MGAT5: variants seen among roughly 807,000 people sequenced by gnomAD.
MGAT5 encodes alpha-1,6-mannosylglycoprotein 6-beta-N-acetylglucosaminyltransferase.
In MGAT5, 30 loss-of-function variants were observed where a neutral mutation model predicts 94.3. That is an observed-to-expected ratio of 0.32 (90% CI 0.24 to 0.43). The LOEUF is 0.43. Among genes scored for constraint, MGAT5 ranks in the 20% least tolerant of loss-of-function variants. MGAT5 has a pLI of 1.00. For missense variants in MGAT5, 691 were observed against 905.5 expected (o/e 0.76, Z 3.04); for synonymous variants, 310 against 322.9 (o/e 0.96, Z 0.43).
At chr2:134,137,859 A>G (rs7597227) in intron 1 of MGAT5, among the ~76,000 whole-genome samples, 33,700 of 151,508 alleles carry the variant, frequency 0.22, 4,843 homozygotes, top group African/African-American at 0.4. Flanking sequence ...AAGTTTATCA[A>G]TGAAGGGATA....
chr2:134,265,436 G>A (rs2105596996), intron 1 of MGAT5, among the ~76,000 whole-genome samples: 1 of 152,256 alleles, frequency 6.6e-6, no homozygotes, highest in East Asian at 1.9e-4. Flanking sequence ...CAATACCATG[G>A]CTTCCTGGAA....
In MGAT5 at chr2:134,288,079, A is replaced by T. The variant is rs146051484; in HGVS notation, c.406+17529A>T. Among the ~76,000 whole-genome samples the T allele has an allele frequency of 3.6e-4, 55 of 152,172 alleles. 1 individual carries two copies. In the East Asian group the frequency reaches 9.4e-3, roughly 26 times the overall value. Reference sequence around the variant, plus strand: ...ATTCTCAAGTGCTTACTGAATTTTGAATTCTCTTGCTGGTGTCTGGAAGCA... The same window carrying T: ...ATTCTCAAGTGCTTACTGAATTTTGTATTCTCTTGCTGGTGTCTGGAAGCA... On this transcript the variant is annotated intron_variant, in intron 2 of 15. Coordinates refer to ENST00000281923, the MANE Select transcript of MGAT5 (RefSeq NM_002410.5).
At position 134,193,125 on chromosome 2, in the gene MGAT5, A is replaced by AT. The variant is rs1161424806; in HGVS notation, c.-142-61122dup. Among the ~76,000 whole-genome samples, 337 of 131,280 alleles carry AT rather than the reference A, an allele frequency of 2.6e-3. 1 individual carries two copies. The highest frequency in any genetic ancestry group is 4.6e-3 in the South Asian group (19 of 4,172). The allele number at this position is 131,280 out of a possible 152,430, so 86.1% of individuals were successfully genotyped here. On this transcript the variant is annotated intron_variant, in intron 1 of 16. Coordinates refer to the MGAT5 transcript ENST00000409645. ...TACTTTATTTTTATTTTTATTTTTTATTTTTTTTTTTTTTTGAGACAAGGT... is the reference window on the plus strand; with the variant it reads ...TACTTTATTTTTATTTTTATTTTTTATTTTTTTTTTTTTTTTGAGACAAGGT...
chr2:134,370,019 G>A (rs1054355041), intron 10 of MGAT5, among the ~76,000 whole-genome samples: 1 of 152,164 alleles, frequency 6.6e-6, no homozygotes, highest in South Asian at 2.1e-4. Flanking sequence ...GGTGGTTAAA[G>A]TCTCAGACTA....
chr2:134,265,328 A>G (rs956181545), intron 1 of MGAT5, among the ~76,000 whole-genome samples: 1 of 152,178 alleles, frequency 6.6e-6, no homozygotes, highest in Non-Finnish European at 1.5e-5. Flanking sequence ...ATCTCCTTGA[A>G]TTCCAGAGAT....
intron 1 of MGAT5, among the ~76,000 whole-genome samples, chr2:134,162,718 G>C (rs1687792336): frequency 6.6e-6 from 1 of 152,328 alleles, no homozygotes; most frequent in Non-Finnish European, 1.5e-5. Context: ...GATATTAGGA[G>C]GAGGGGTAGA....
chr2:134,342,211 A>G (rs575858173), intron 7 of MGAT5, among the ~76,000 whole-genome samples: 5 of 152,284 alleles, frequency 3.3e-5, no homozygotes, highest in Admixed American at 6.5e-5. Flanking sequence ...TCCTTTTTCA[A>G]TTAGCCAACT....
intron 1 of MGAT5, among the ~76,000 whole-genome samples, chr2:134,199,246 A>G (rs1405786087): frequency 6.6e-6 from 1 of 151,598 alleles, no homozygotes; most frequent in East Asian, 1.9e-4. Context: ...TGCCTCTCCT[A>G]CTCCTCTGAT....
chr2:134,187,852 A>G (rs1432742458), intron 1 of MGAT5, among the ~76,000 whole-genome samples: 2 of 152,206 alleles, frequency 1.3e-5, no homozygotes, highest in Non-Finnish European at 2.9e-5. Flanking sequence ...AAAACTTCAA[A>G]CTGTATTATC....
At chr2:134,353,247 CAGAT>C (rs10612299) in intron 9 of MGAT5, among the ~76,000 whole-genome samples, 84,575 of 151,730 alleles carry the variant, frequency 0.56, 26,006 homozygotes, top group Non-Finnish European at 0.67. Context: ...AAATTGAAAA[CAGAT>C]AGAGACAAAC....
At chr2:134,146,908 T>G (rs1266776815) in intron 1 of MGAT5, among the ~76,000 whole-genome samples, 1 of 152,222 alleles carries the variant, frequency 6.6e-6, no homozygotes, top group African/African-American at 2.4e-5. Flanking sequence ...ATTAGAAAAG[T>G]ATGGCTATGA....
chr2:134,293,986 G>C (rs1685527060), intron 2 of MGAT5, among the ~76,000 whole-genome samples: 2 of 152,160 alleles, frequency 1.3e-5, no homozygotes, highest in South Asian at 2.1e-4. Context: ...CCCTTTGTTC[G>C]TTGGCTTCCC....
chr2:134,394,260 T>C (rs183749521), intron 10 of MGAT5, among the ~76,000 whole-genome samples: 4 of 152,382 alleles, frequency 2.6e-5, no homozygotes, highest in Non-Finnish European at 5.9e-5. Context: ...GCAATTACTT[T>C]TCATCCTGGC....
intron 1 of MGAT5, among the ~76,000 whole-genome samples, chr2:134,240,661 T>C (rs912672099): frequency 2.0e-5 from 3 of 152,234 alleles, no homozygotes; most frequent in African/African-American, 7.2e-5. Flanking sequence ...ATGAGAATTC[T>C]GTTGATTTTC....
intron 10 of MGAT5, among the ~76,000 whole-genome samples, chr2:134,400,896 ATGGGG>A (rs1007222106): frequency 2.0e-5 from 3 of 152,102 alleles, no homozygotes; most frequent in African/African-American, 7.2e-5. Context: ...AAGTAAAAAT[ATGGGG>A]TGGGGTCTGG....
At chr2:134,334,570 T>C (rs2105972710) in intron 4 of MGAT5, among the ~76,000 whole-genome samples, 1 of 125,600 alleles carries the variant, frequency 8.0e-6, no homozygotes, top group Non-Finnish European at 1.6e-5. Flanking sequence ...CAATCAAGTC[T>C]ACAATCCATT....
intron 10 of MGAT5, among the ~76,000 whole-genome samples, chr2:134,371,800 C>T (rs1377815203): frequency 6.6e-6 from 1 of 152,166 alleles, no homozygotes; most frequent in Non-Finnish European, 1.5e-5. Flanking sequence ...TAGGTCCAGG[C>T]AGGACTCTGA....
At chr2:134,248,009 C>T (rs574290676) in intron 1 of MGAT5, among the ~76,000 whole-genome samples, 2 of 152,176 alleles carry the variant, frequency 1.3e-5, no homozygotes, top group African/African-American at 4.8e-5. Flanking sequence ...GCCCTGCCCC[C>T]CTAGAATTTT....
intron 1 of MGAT5, among the ~76,000 whole-genome samples, chr2:134,158,718 G>A (rs1342438017): frequency 6.6e-6 from 1 of 152,198 alleles, no homozygotes; most frequent in Non-Finnish European, 1.5e-5. Context: ...TCCCACCTGT[G>A]CCTCCCCTGC....
Sources: allele counts gnomAD v4.1 joint callset (sites outside exome capture counted in the v4.1 genomes callset), GRCh38; gene constraint gnomAD v4.1.1; transcripts MANE v1.5; gene names NCBI Gene and HGNC (gene_info 2026-07-23, HGNC 2026-07-21).